The following FAF1 variants were observed in gnomAD, a reference collection of about 807,000 sequenced individuals.
FAF1 encodes the protein FAS-associated factor 1.
FAF1 carries 25 observed loss-of-function variants against 92.5 expected under a neutral mutation model. The ratio of observed to expected loss-of-function variants is 0.27; its 90% CI spans 0.20 to 0.38. The LOEUF is 0.38. Among genes scored for constraint, FAF1 ranks in the 10% least tolerant of loss-of-function variants. The pLI, the probability that FAF1 is intolerant of heterozygous loss-of-function variation, is 1.00. For missense variants in FAF1, 636 were observed against 793.3 expected (o/e 0.80, Z 2.38); for synonymous variants, 234 against 273.2 (o/e 0.86, Z 1.42).
At chr1:50,479,652 A>G (rs552163282) in intron 17 of FAF1, among the ~76,000 whole-genome samples, 142 of 152,332 alleles carry the variant, frequency 9.3e-4, no homozygotes, top group African/African-American at 3.3e-3. Flanking sequence ...CCTGCATAGT[A>G]TAACAGATGC....
intron 8 of FAF1, among the ~76,000 whole-genome samples, chr1:50,624,643 A>G (rs1482968607): frequency 1.3e-5 from 2 of 152,214 alleles, no homozygotes; most frequent in Admixed American, 6.5e-5. Context: ...GGAAAACAAA[A>G]AAGGAAAAAT....
chr1:50,625,110 G>T (rs887123938), intron 8 of FAF1, among the ~76,000 whole-genome samples: 9 of 151,982 alleles, frequency 5.9e-5, no homozygotes, highest in Non-Finnish European at 1.0e-4. Context: ...ATGTTGGTCA[G>T]GCTGGTCTCG....
At chr1:50,663,579 T>G (rs1169039213) in intron 7 of FAF1, among the ~76,000 whole-genome samples, 1 of 151,416 alleles carries the variant, frequency 6.6e-6, no homozygotes, top group Non-Finnish European at 1.5e-5. Context: ...ATTTTTGTAT[T>G]TTTTTAGTAG....
rs182444880 is a variant in FAF1, at chr1:50,793,306, T to C, written c.162-5101A>G. On this transcript the variant is annotated intron_variant, in intron 3 of 18. Coordinates refer to ENST00000396153, the MANE Select transcript of FAF1 (RefSeq NM_007051.3). ...CATTAAGACACTTGCAGCTGTTTAC[T>C]AGAGTATCTGTGTGCCAATAAAAAG... Among the ~76,000 whole-genome samples, 504 of 152,352 alleles carry C rather than the reference T, an allele frequency of 3.3e-3. 3 individuals carry two copies. Among genetic ancestry groups the C allele is most frequent in the African/African-American group, 0.011 (453 of 41,586 alleles).
chr1:50,856,166 C>G (rs763971023), intron 2 of FAF1, among the ~76,000 whole-genome samples: 1 of 151,714 alleles, frequency 6.6e-6, no homozygotes, highest in African/African-American at 2.4e-5. Flanking sequence ...CCATTAAAGA[C>G]TTGTACTCCC....
intron 15 of FAF1, among the ~76,000 whole-genome samples, chr1:50,498,815 A>C (rs1319696491): frequency 6.6e-6 from 1 of 151,072 alleles, no homozygotes; most frequent in Non-Finnish European, 1.5e-5. Flanking sequence ...GTGCCACTGC[A>C]CTCCAGCATG....
intron 8 of FAF1, among the ~76,000 whole-genome samples, chr1:50,607,106 T>A (rs543838737): frequency 2.0e-5 from 3 of 152,326 alleles, no homozygotes; most frequent in Non-Finnish European, 2.9e-5. Context: ...TTAAAAACAT[T>A]TAACTAGCCT....
At chr1:50,550,411 A>T (rs1454969909) in intron 13 of FAF1, among the ~76,000 whole-genome samples, 4 of 151,050 alleles carry the variant, frequency 2.6e-5, no homozygotes, top group Admixed American at 2.6e-4. Context: ...CACCCACAGG[A>T]GGAAAGTCTT....
intron 15 of FAF1, among the ~76,000 whole-genome samples, chr1:50,494,459 T>C (rs1180398935): frequency 1.3e-5 from 2 of 152,128 alleles, no homozygotes; most frequent in Non-Finnish European, 2.9e-5. Context: ...TACACATCGA[T>C]TGGGTGGAGG....
At chr1:50,649,463 A>G (rs1258333181) in intron 8 of FAF1, among the ~76,000 whole-genome samples, 1 of 152,090 alleles carries the variant, frequency 6.6e-6, no homozygotes, top group Non-Finnish European at 1.5e-5. Context: ...TTTATTTTAT[A>G]TAAAAGCCAC....
At chr1:50,931,898 AATAATAAT>A (rs1645050957) in intron 1 of FAF1, among the ~76,000 whole-genome samples, 1 of 134,932 alleles carries the variant, frequency 7.4e-6, no homozygotes. Flanking sequence ...AAATAATAAT[AATAATAAT>A]AATAATAATA....
chr1:50,799,091 C>T (rs768579616), intron 3 of FAF1, among the ~76,000 whole-genome samples: 2 of 152,134 alleles, frequency 1.3e-5, no homozygotes, highest in East Asian at 1.9e-4. Context: ...GAATTATAGG[C>T]GTGAGCTACC....
At chr1:50,672,361 T>A (rs1655934610) in intron 7 of FAF1, among the ~76,000 whole-genome samples, 1 of 151,766 alleles carries the variant, frequency 6.6e-6, no homozygotes, top group African/African-American at 2.4e-5. Flanking sequence ...TTGTTTTGTT[T>A]TGATTTTTTG....
At chr1:50,814,033 G>A (rs1002595219) in intron 2 of FAF1, among the ~76,000 whole-genome samples, 3 of 151,740 alleles carry the variant, frequency 2.0e-5, no homozygotes, top group African/African-American at 7.3e-5. Context: ...TATAAATTAG[G>A]TACAGTAAGA....
At chr1:50,561,890 G>A (rs995965097) in intron 13 of FAF1, among the ~76,000 whole-genome samples, 4 of 150,096 alleles carry the variant, frequency 2.7e-5, no homozygotes, top group African/African-American at 7.5e-5. Flanking sequence ...AGGAAGGAAG[G>A]AAGGAAGTTG....
chr1:50,451,195 G>C (rs1646289813), intron 18 of FAF1, among the ~76,000 whole-genome samples: 2 of 152,192 alleles, frequency 1.3e-5, no homozygotes, highest in Non-Finnish European at 2.9e-5. Flanking sequence ...GGGAAAGAGA[G>C]AATGAAAGAA....
chr1:50,577,622 T>C (rs1650812749), intron 12 of FAF1, among the ~76,000 whole-genome samples: 1 of 152,190 alleles, frequency 6.6e-6, no homozygotes. Flanking sequence ...TATGGTATAT[T>C]ATACTATATG....
chr1:50,824,322 CCT>C (rs1644072790), intron 2 of FAF1, among the ~76,000 whole-genome samples: 2 of 152,084 alleles, frequency 1.3e-5, no homozygotes, highest in Non-Finnish European at 2.9e-5. Flanking sequence ...TCATTCTCAT[CCT>C]CTCTCAATTT....
intron 2 of FAF1, among the ~76,000 whole-genome samples, chr1:50,821,606 T>G (rs542291654): frequency 6.6e-6 from 1 of 152,310 alleles, no homozygotes; most frequent in African/African-American, 2.4e-5. Flanking sequence ...ACTAGGAGCA[T>G]AATTTTGAGA....
Sources: gnomAD v4.1 joint callset for allele counts (sites outside exome capture counted in the v4.1 genomes callset) on GRCh38, gnomAD v4.1.1 for gene constraint, MANE v1.5 for transcripts, NCBI Gene and HGNC (gene_info 2026-07-23, HGNC 2026-07-21) for gene names.